PITPNC1: variants seen among roughly 807,000 people sequenced by gnomAD.
PITPNC1 encodes phosphatidylinositol transfer protein cytoplasmic 1, also known as cytoplasmic phosphatidylinositol transfer protein 1.
Under a neutral mutation model 44.7 loss-of-function variants are expected in PITPNC1, and 18 were observed. The ratio of observed to expected loss-of-function variants is 0.40; its 90% CI spans 0.28 to 0.60. PITPNC1 has a LOEUF of 0.60. Ranked by LOEUF, PITPNC1 falls within the 20% of genes least tolerant of loss-of-function variation. The pLI, the probability that PITPNC1 is intolerant of heterozygous loss-of-function variation, is 0.39. For missense variants in PITPNC1, 290 were observed against 418.4 expected (o/e 0.69, Z 2.68); for synonymous variants, 141 against 149.6 (o/e 0.94, Z 0.42).
intron 1 of PITPNC1, among the ~76,000 whole-genome samples, chr17:67,517,009 CCTTT>C (rs2040267590): frequency 1.3e-5 from 2 of 152,214 alleles, no homozygotes; most frequent in Admixed American, 6.5e-5. Context: ...CCCCTTGCAC[CCTTT>C]CTGTCAATGC....
intron 5 of PITPNC1, among the ~76,000 whole-genome samples, chr17:67,578,607 A>G (rs1188645876): frequency 2.6e-5 from 4 of 152,216 alleles, no homozygotes; most frequent in African/African-American, 9.6e-5. Flanking sequence ...ATGCCTATTA[A>G]TATCTACTTC....
intron 1 of PITPNC1, among the ~76,000 whole-genome samples, chr17:67,522,372 GA>G: frequency 6.6e-6 from 1 of 152,110 alleles, no homozygotes; most frequent in African/African-American, 2.4e-5. Context: ...GGCATGGCAG[GA>G]ATCAGGGAAT....
At chr17:67,525,992 A>G (rs957203762) in intron 1 of PITPNC1, among the ~76,000 whole-genome samples, 2 of 152,188 alleles carry the variant, frequency 1.3e-5, no homozygotes, top group African/African-American at 4.8e-5. Context: ...GCCAAAGTAA[A>G]TATAAATTCT....
At chr17:67,478,715 C>T (rs771498547) in intron 1 of PITPNC1, among the ~76,000 whole-genome samples, 10 of 151,950 alleles carry the variant, frequency 6.6e-5, no homozygotes, top group East Asian at 1.9e-4. Context: ...CCTCTTTTTC[C>T]GCAAGCGTTG....
At chr17:67,657,331 C>T (rs7223950) in intron 6 of PITPNC1, among the ~76,000 whole-genome samples, 1 of 152,028 alleles carries the variant, frequency 6.6e-6, no homozygotes, top group African/African-American at 2.4e-5. Flanking sequence ...TTGAGATTGA[C>T]TAGATGAAAT....
chr17:67,657,851 A>G (rs923179342), intron 6 of PITPNC1, among the ~76,000 whole-genome samples: 2 of 152,234 alleles, frequency 1.3e-5, no homozygotes, highest in Non-Finnish European at 2.9e-5. Flanking sequence ...AGTCCCGACA[A>G]TTCTCAACTG....
At chr17:67,630,409 G>A (rs1340393803) in intron 5 of PITPNC1, among the ~76,000 whole-genome samples, 2 of 152,180 alleles carry the variant, frequency 1.3e-5, no homozygotes, top group Non-Finnish European at 2.9e-5. Context: ...CTTGAGGTCA[G>A]GAGTTCAAGA....
chr17:67,481,651 A>C (rs4598946), intron 1 of PITPNC1, among the ~76,000 whole-genome samples: 54,488 of 151,848 alleles, frequency 0.36, 9,934 homozygotes, highest in Non-Finnish European at 0.38. Context: ...TAAATTTATT[A>C]CCCGTAAAAT....
intron 4 of PITPNC1, among the ~76,000 whole-genome samples, chr17:67,556,515 G>A (rs1197364564): frequency 1.3e-5 from 2 of 152,196 alleles, no homozygotes; most frequent in Non-Finnish European, 2.9e-5. Context: ...TGGTCTCAGA[G>A]ACTCAAGTAC....
intron 1 of PITPNC1, among the ~76,000 whole-genome samples, chr17:67,439,015 G>A (rs2038975555): frequency 6.6e-6 from 1 of 152,196 alleles, no homozygotes; most frequent in Admixed American, 6.5e-5. Context: ...CCAAATGGCA[G>A]TAGCTTATTG....
chr17:67,399,878 C>T (rs1471116485), intron 1 of PITPNC1, among the ~76,000 whole-genome samples: 2 of 152,138 alleles, frequency 1.3e-5, no homozygotes, highest in African/African-American at 4.8e-5. Context: ...CACGGAAGAC[C>T]TAGTCAGTCC....
intron 5 of PITPNC1, among the ~76,000 whole-genome samples, chr17:67,618,579 C>T (rs561572681): frequency 7.3e-5 from 11 of 151,228 alleles, no homozygotes; most frequent in East Asian, 2.0e-4. Context: ...GGTGAAACCC[C>T]GGCTCTACTA....
At chr17:67,462,225 C>CTTTTTTTTTTTTTTTTTTTTT (rs549707875) in intron 1 of PITPNC1, among the ~76,000 whole-genome samples, 21 of 71,256 alleles carry the variant, frequency 2.9e-4, no homozygotes, top group South Asian at 1.0e-3. Flanking sequence ...TTCTTTCTTT[C>CTTTTTTTTTTTTTTTTTTTTT]TTTTTTTTTT....
chr17:67,510,208 T>G (rs2040165569), intron 1 of PITPNC1, among the ~76,000 whole-genome samples: 1 of 151,980 alleles, frequency 6.6e-6, no homozygotes, highest in South Asian at 2.1e-4. Flanking sequence ...TAGACTAATC[T>G]GGGTCTAAAG....
At chr17:67,620,263 C>T (rs1302410085) in intron 5 of PITPNC1, among the ~76,000 whole-genome samples, 1 of 152,006 alleles carries the variant, frequency 6.6e-6, no homozygotes, top group Non-Finnish European at 1.5e-5. Context: ...TATGTTGCCC[C>T]GGCTGGTCTC....
At chr17:67,643,875 C>T (rs771065625) in intron 6 of PITPNC1, among the ~76,000 whole-genome samples, 3 of 152,146 alleles carry the variant, frequency 2.0e-5, no homozygotes, top group South Asian at 2.1e-4. Context: ...ATGGTGGCTC[C>T]GTGGAAACCA....
chr17:67,610,532 A>T (rs187677345), intron 5 of PITPNC1, among the ~76,000 whole-genome samples: 1 of 152,362 alleles, frequency 6.6e-6, no homozygotes, highest in African/African-American at 2.4e-5. Flanking sequence ...GTGCCGGCAC[A>T]CATCAGCATT....
At chr17:67,513,408 C>CTAT (rs2040215940) in intron 1 of PITPNC1, among the ~76,000 whole-genome samples, 1 of 129,950 alleles carries the variant, frequency 7.7e-6, no homozygotes, top group African/African-American at 3.1e-5. Flanking sequence ...TCTATATCTA[C>CTAT]ATCTACATAT....
intron 6 of PITPNC1, among the ~76,000 whole-genome samples, chr17:67,654,653 G>T (rs2042243891): frequency 6.6e-6 from 1 of 152,024 alleles, no homozygotes; most frequent in Non-Finnish European, 1.5e-5. Flanking sequence ...TTTTTTTTGA[G>T]ATGGAATCTC....
Sources: gnomAD v4.1 joint callset for allele counts (sites outside exome capture counted in the v4.1 genomes callset) on GRCh38, gnomAD v4.1.1 for gene constraint, MANE v1.5 for transcripts, NCBI Gene and HGNC (gene_info 2026-07-23, HGNC 2026-07-21) for gene names.